The following ASAP1 variants were observed in gnomAD, a reference collection of about 807,000 sequenced individuals.
ASAP1 encodes ArfGAP with SH3 domain, ankyrin repeat and PH domain 1, also known as arf-GAP with SH3 domain, ANK repeat and PH domain-containing protein 1.
In ASAP1, 43 loss-of-function variants were observed where a neutral mutation model predicts 145.2. That is an observed-to-expected ratio of 0.30 (90% CI 0.23 to 0.38). The LOEUF (loss-of-function observed/expected upper bound fraction) is 0.38, where lower values mean the gene tolerates loss of function less well. Ranked by LOEUF, ASAP1 falls within the 10% of genes least tolerant of loss-of-function variation. The pLI, the probability that ASAP1 is intolerant of heterozygous loss-of-function variation, is 1.00. For missense variants in ASAP1, 1,018 were observed against 1,355.3 expected (o/e 0.75, Z 3.91); for synonymous variants, 546 against 515.5 (o/e 1.06, Z -0.80).
chr8:130,340,818 G>C, intron 3 of ASAP1: 1 of 437,726 alleles, frequency 2.3e-6, no homozygotes, highest in Non-Finnish European at 4.5e-6. Context: ...CACACTACCA[G>C]GCTCCAAAGA....
chr8:130,291,801 T>C (rs1245196678), intron 3 of ASAP1, among the ~76,000 whole-genome samples: 2 of 152,220 alleles, frequency 1.3e-5, no homozygotes, highest in Admixed American at 6.5e-5. Flanking sequence ...AGATGCCATA[T>C]GTTAAAGTTC....
chr8:130,094,377 A>G (rs2097512614), intron 24 of ASAP1, among the ~76,000 whole-genome samples: 1 of 152,026 alleles, frequency 6.6e-6, no homozygotes, highest in African/African-American at 2.4e-5. Context: ...CATCCAGCTA[A>G]TTTTTAAAAA....
chr8:130,093,073 GAAC>G (rs886450635), intron 24 of ASAP1, among the ~76,000 whole-genome samples: 1 of 151,994 alleles, frequency 6.6e-6, no homozygotes, highest in African/African-American at 2.4e-5. Context: ...TTGGAAGCCT[GAAC>G]AACATTTATA....
At chr8:130,300,143 C>CAGAGAGAG (rs1458876507) in intron 3 of ASAP1, among the ~76,000 whole-genome samples, 5 of 111,660 alleles carry the variant, frequency 4.5e-5, no homozygotes, top group African/African-American at 2.0e-4. Flanking sequence ...CACACACACA[C>CAGAGAGAG]ACACACACAC....
intron 1 of ASAP1, among the ~76,000 whole-genome samples, chr8:130,420,748 G>T (rs1829686819): frequency 6.6e-6 from 1 of 152,046 alleles, no homozygotes; most frequent in Non-Finnish European, 1.5e-5. Context: ...ACAAAAATTA[G>T]CCAGGCGTAG....
At chr8:130,175,646 C>A (rs1813899744) in intron 9 of ASAP1, among the ~76,000 whole-genome samples, 1 of 152,094 alleles carries the variant, frequency 6.6e-6, no homozygotes, top group African/African-American at 2.4e-5. Flanking sequence ...CTTCCATGAA[C>A]AAAAGTTTTT....
chr8:130,154,364 G>C (rs959130314), intron 12 of ASAP1, among the ~76,000 whole-genome samples: 4 of 152,190 alleles, frequency 2.6e-5, no homozygotes, highest in African/African-American at 9.7e-5. Context: ...TTAAAACTTG[G>C]AAGAGTTTTG....
chr8:130,177,210 G>A (rs2136146109), intron 9 of ASAP1, among the ~76,000 whole-genome samples: 1 of 152,314 alleles, frequency 6.6e-6, no homozygotes, highest in East Asian at 1.9e-4. Context: ...AATAAAGGGA[G>A]GATGCATTAG....
intron 7 of ASAP1, among the ~76,000 whole-genome samples, chr8:130,184,436 A>G (rs72722368): frequency 0.035 from 5,304 of 152,326 alleles, 125 homozygotes; most frequent in Middle Eastern, 0.065. Flanking sequence ...GGGCAGGCAG[A>G]AGGCCACTGT....
chr8:130,309,084 C>A (rs189888256), intron 3 of ASAP1, among the ~76,000 whole-genome samples: 17 of 152,308 alleles, frequency 1.1e-4, no homozygotes, highest in Non-Finnish European at 4.4e-5. Flanking sequence ...TTCAGTACTT[C>A]ACCAAACATG....
chr8:130,103,246 G>T (rs2097531751), intron 24 of ASAP1, among the ~76,000 whole-genome samples: 1 of 151,324 alleles, frequency 6.6e-6, no homozygotes, highest in Non-Finnish European at 1.5e-5. Flanking sequence ...TATTTTTGTG[G>T]TATCAGCCTC....
At chr8:130,421,629 G>A (rs1036767697) in intron 1 of ASAP1, among the ~76,000 whole-genome samples, 7 of 152,156 alleles carry the variant, frequency 4.6e-5, no homozygotes, top group African/African-American at 1.7e-4. Context: ...GGGGCAGCAG[G>A]GCCACAGAAT....
At position 130,358,736 on chromosome 8, in the gene ASAP1, G is replaced by GCCCGGCCCCCGCCCCGC; in HGVS notation, c.60-610_60-594dup. On this transcript the variant is annotated intron_variant, in intron 2 of 29. Transcript: ENST00000518721. The surrounding 1 kb of genome is among the most constrained non-coding windows in gnomAD (Gnocchi z 4.1). ...CCTCCCCGCCCGCGCCCCGCCCCCGGCCCGGCCCCCGCCCCGCCCCGCCCC... is the reference window on the plus strand; with the variant it reads ...CCTCCCCGCCCGCGCCCCGCCCCCGGCCCGGCCCCCGCCCCGCCCCGGCCCCCGCCCCGCCCCGCCCC... Among the ~76,000 whole-genome samples, 1 of 57,808 alleles carries GCCCGGCCCCCGCCCCGC rather than the reference G, an allele frequency of 1.7e-5. No homozygotes were observed. The highest frequency in any genetic ancestry group is 3.5e-5 in the Non-Finnish European group (1 of 28,674). 37.9% of individuals were successfully genotyped at this position (57,808 alleles called of 152,430 possible). A position where few individuals can be genotyped will look rare whatever the true frequency, so the allele number is the denominator to read the frequency against.
chr8:130,438,930 C>T (rs536155796), intron 1 of ASAP1, among the ~76,000 whole-genome samples: 1 of 152,290 alleles, frequency 6.6e-6, no homozygotes, highest in South Asian at 2.1e-4. Flanking sequence ...GCAAAGATAT[C>T]CTCATCCTAA....
intron 7 of ASAP1, among the ~76,000 whole-genome samples, chr8:130,186,784 ATAG>A (rs1385306665): frequency 6.6e-6 from 1 of 152,166 alleles, no homozygotes; most frequent in African/African-American, 2.4e-5. Flanking sequence ...AGCTGTACAG[ATAG>A]TTTCCTGTGA....
chr8:130,137,164 CA>C (rs2097596825), intron 13 of ASAP1, 126 bp from the exon 14 acceptor site: 2 of 784,814 alleles, frequency 2.5e-6, no homozygotes, highest in African/African-American at 3.5e-5. Flanking sequence ...ACATTTTCAG[CA>C]AAGAAGAAAC....
At chr8:130,223,602 C>T (rs910773912) in intron 4 of ASAP1, among the ~76,000 whole-genome samples, 1 of 151,876 alleles carries the variant, frequency 6.6e-6, no homozygotes, top group Admixed American at 6.6e-5. Context: ...TCATCTCAGA[C>T]TCTTGTCTTC....
At chr8:130,166,622 T>C (rs2136068615) in intron 11 of ASAP1, among the ~76,000 whole-genome samples, 1 of 152,272 alleles carries the variant, frequency 6.6e-6, no homozygotes, top group Admixed American at 6.5e-5. Flanking sequence ...TTAGGCATGA[T>C]GGATTGTTCA....
At chr8:130,235,613 T>C (rs1251247587) in intron 4 of ASAP1, among the ~76,000 whole-genome samples, 1 of 152,214 alleles carries the variant, frequency 6.6e-6, no homozygotes, top group African/African-American at 2.4e-5. Context: ...CATTTGGTCA[T>C]AACTACATGA....
Sources: allele counts gnomAD v4.1 joint callset (sites outside exome capture counted in the v4.1 genomes callset), GRCh38; gene constraint gnomAD v4.1.1; non-coding constraint Gnocchi (gnomAD v3.1); transcripts MANE v1.5; gene names NCBI Gene and HGNC (gene_info 2026-07-23, HGNC 2026-07-21).